NUP214: variants seen among roughly 807,000 people sequenced by gnomAD.
NUP214 encodes the protein nucleoporin 214, also known as nuclear pore complex protein Nup214.
Under a neutral mutation model 196.2 loss-of-function variants are expected in NUP214, and 79 were observed. The ratio of observed to expected loss-of-function variants is 0.40; its 90% CI spans 0.34 to 0.49. NUP214 has a LOEUF of 0.49. Ranked by LOEUF, NUP214 falls within the 20% of genes least tolerant of loss-of-function variation. The probability of loss-of-function intolerance (pLI) is 0.58; values close to 1 mark genes in which losing one functional copy is unlikely to be tolerated. For synonymous variants in NUP214, 1,020 were observed against 990.5 expected (o/e 1.03, Z -0.56); for missense variants, 2,468 against 2,539.0 (o/e 0.97, Z 0.60).
rs555864197 is a variant in NUP214 at position 131,143,420 on chromosome 9, G to GT, written c.1295-854dup. Among the ~76,000 whole-genome samples, 23 of 151,778 alleles carry GT rather than the reference G, an allele frequency of 1.5e-4. 1 individual carries two copies. The highest frequency in any genetic ancestry group is 1.2e-3 in the Admixed American group (18 of 15,256). On this transcript the variant is annotated intron_variant, in intron 11 of 35. Transcript: ENST00000359428. ...TCTTAGAAGAGAAATTACTGGGTCTGTTTTTTACAGTTTTTTATACAATGC... is the reference window on the plus strand; with the variant it reads ...TCTTAGAAGAGAAATTACTGGGTCTGTTTTTTTACAGTTTTTTATACAATGC...
intron 21 of NUP214, chr9:131,167,148 C>T (rs1296531690): frequency 1.3e-5 from 2 of 152,058 alleles, no homozygotes; most frequent in Non-Finnish European, 2.9e-5. Flanking sequence ...TCTCTTTAGT[C>T]GCCTTTTCTT....
chr9:131,205,008 A>G (rs186543102), intron 30 of NUP214, among the ~76,000 whole-genome samples: 46 of 152,316 alleles, frequency 3.0e-4, no homozygotes, highest in Admixed American at 3.0e-3. Context: ...GCAAAAAAAT[A>G]TCTATAAAGA....
intron 24 of NUP214, among the ~76,000 whole-genome samples, chr9:131,183,194 C>T (rs1292539466): frequency 6.6e-6 from 1 of 152,196 alleles, no homozygotes; most frequent in Non-Finnish European, 1.5e-5. Context: ...AAGTGATTTT[C>T]CTGCCTCAGC....
At position 131,146,746 on chromosome 9, in the gene NUP214, A is replaced by G. The variant is rs1232610516; in HGVS notation, c.1945+442A>G. On this transcript the variant is annotated intron_variant, in intron 13 of 35. Transcript: ENST00000359428. This position sits in a 1 kb window ranked among gnomAD's most constrained non-coding sequence, Gnocchi z 4.6. The stretch of plus-strand genomic sequence containing the variant: ...GGAGTTCGAGACCAGCCTGGCCAAC[A>G]TGGCAAAACCCCATCTCTACTAAAA... 6.6e-6 allele frequency among the ~76,000 whole-genome samples: 1 copy of G among 152,162 alleles called. No homozygotes were observed. The highest frequency in any genetic ancestry group is 6.5e-5 in the Admixed American group (1 of 15,280).
Position 131,140,605 on chromosome 9 carries a change from G to T in NUP214, c.1189G>T (p.Val397Leu), listed in dbSNP as rs776891954. ...PVLMLLSTDG[V>L]LCPFYMINQN... ...TCTCATGTTACTTTCAACAGATGGT[G>T]TGCTTTGTCCATTTTATATGATTAA... Residue 397 changes from valine (V) to leucine (L), a missense_variant, in exon 11 of 36, where the codon GTG becomes TTG. Physicochemically the swap from Val to Leu is conservative, Grantham distance 32 (BLOSUM62 1). This residue lies in a region of NUP214 where 1,801 missense variants were observed against 1,779.4 expected (regional missense o/e 1.01). Coordinates refer to ENST00000359428, the MANE Select transcript of NUP214 (RefSeq NM_005085.4). 1.5e-5 allele frequency: 24 copies of T among 1,613,756 alleles called. No homozygotes were observed. The highest frequency in any genetic ancestry group is 2.0e-5 in the Non-Finnish European group (24 of 1,179,846).
rs188398603 is a variant in NUP214 at position 131,150,110 on chromosome 9, A to G, written c.2041-214A>G. 2.6e-3 allele frequency: 1,264 copies of G among 479,802 alleles called. 1 individual carries two copies. The highest frequency in any genetic ancestry group is 3.6e-3 in the Non-Finnish European group (967 of 265,252). 29.7% of individuals were successfully genotyped at this position (479,802 alleles called of 1,614,324 possible). ...CATGTCCCAGTAGGAGGTAAGTTCC[A>G]TAAGAGTTGGGCCCTCATCTACTTG... is the stretch of plus-strand genomic sequence containing the variant. On this transcript the variant is annotated intron_variant, in intron 14 of 35. Transcript: ENST00000359428.
intron 18 of NUP214, among the ~76,000 whole-genome samples, chr9:131,161,222 C>T (rs540395066): frequency 3.3e-5 from 5 of 150,570 alleles, no homozygotes; most frequent in South Asian, 4.2e-4. Context: ...TGTTTCAGGG[C>T]CATCCCTGAA....
At chr9:131,188,170 A>G (rs1037928665) in intron 25 of NUP214, among the ~76,000 whole-genome samples, 2 of 152,170 alleles carry the variant, frequency 1.3e-5, no homozygotes, top group Admixed American at 6.5e-5. Context: ...TTGAGTATCA[A>G]TGTCTGGGGT....
intron 18 of NUP214, among the ~76,000 whole-genome samples, chr9:131,161,190 T>A (rs1367416414): frequency 1.3e-5 from 2 of 152,180 alleles, no homozygotes; most frequent in Non-Finnish European, 2.9e-5. Flanking sequence ...CTGTACAATT[T>A]TCTATTTTGA....
intron 31 of NUP214, among the ~76,000 whole-genome samples, chr9:131,222,300 C>T (rs531317844): frequency 4.4e-4 from 67 of 152,322 alleles, no homozygotes; most frequent in Non-Finnish European, 7.4e-4. Flanking sequence ...TGCTAGAAGC[C>T]ATTTTGCCTG....
intron 30 of NUP214, 75 bp from the exon 31 acceptor site, chr9:131,215,137 C>T: frequency 7.4e-7 from 1 of 1,359,114 alleles, no homozygotes; most frequent in Middle Eastern, 2.5e-4. Context: ...TGAGCACCTC[C>T]TGCCCACGGA....
At chr9:131,150,290 C>T (rs1214959789) in intron 14 of NUP214, 34 bp from the exon 15 acceptor site, 2 of 1,589,378 alleles carry the variant, frequency 1.3e-6, no homozygotes, top group South Asian at 1.1e-5. Flanking sequence ...GAAGCTATGA[C>T]TTGCAGTTTT....
chr9:131,156,656 A>G lies in NUP214; in HGVS notation c.2437-2727A>G, dbSNP rs564617397. Among the ~76,000 whole-genome samples, 443 of 149,934 alleles carry G rather than the reference A, an allele frequency of 3.0e-3. 3 individuals are homozygous for G. Among genetic ancestry groups the G allele is most frequent in the African/African-American group, 0.01 (423 of 40,706 alleles). On this transcript the variant is annotated intron_variant, in intron 17 of 35. Coordinates refer to ENST00000359428, the MANE Select transcript of NUP214 (RefSeq NM_005085.4). ...GTCGCTGTTGGTGTATAGCAGTGCT[A>G]CTGATTTGTGTACATTGATTTTGTA...
intron 31 of NUP214, among the ~76,000 whole-genome samples, chr9:131,219,661 T>G (rs560721759): frequency 6.6e-6 from 1 of 152,356 alleles, no homozygotes; most frequent in South Asian, 2.1e-4. Context: ...CATAAGGACC[T>G]GTTGCCTCCT....
At chr9:131,206,875 C>T (rs1834102358) in intron 30 of NUP214, among the ~76,000 whole-genome samples, 1 of 152,202 alleles carries the variant, frequency 6.6e-6, no homozygotes, top group Non-Finnish European at 1.5e-5. Context: ...CTTCCCCTTC[C>T]ACTCCGTATT....
intron 33 of NUP214, 49 bp from the exon 34 acceptor site, chr9:131,230,581 A>G: frequency 5.0e-6 from 8 of 1,609,350 alleles, no homozygotes; most frequent in Non-Finnish European, 6.8e-6. Flanking sequence ...CAGATGGGCA[A>G]GTGGTGAGAG....
intron 9 of NUP214, 76 bp from the exon 10 acceptor site, chr9:131,139,205 C>G: frequency 2.2e-6 from 3 of 1,368,612 alleles, no homozygotes; most frequent in African/African-American, 1.5e-5. Flanking sequence ...TAGGAGGAAC[C>G]AATGCAAAGC....
At chr9:131,142,527 G>A (rs1831949599) in intron 11 of NUP214, among the ~76,000 whole-genome samples, 1 of 152,262 alleles carries the variant, frequency 6.6e-6, no homozygotes, top group African/African-American at 2.4e-5. Flanking sequence ...GTATTGATCA[G>A]AAGTAGTAGT....
At chr9:131,141,130 T>C (rs1181343628) in intron 11 of NUP214, among the ~76,000 whole-genome samples, 1 of 139,868 alleles carries the variant, frequency 7.1e-6, no homozygotes, top group Non-Finnish European at 1.5e-5. Context: ...GTGAGTGGAA[T>C]ACATCACCAA....
Sources: gnomAD v4.1 joint callset for allele counts (sites outside exome capture counted in the v4.1 genomes callset) on GRCh38, gnomAD v4.1.1 for gene constraint, gnomAD v4.1.1 regional missense constraint, Gnocchi (gnomAD v3.1) non-coding constraint, MANE v1.5 for transcripts, NCBI Gene and HGNC (gene_info 2026-07-23, HGNC 2026-07-21) for gene names.